GTPBP4: variants seen among roughly 807,000 people sequenced by gnomAD.
The protein encoded by GTPBP4 is GTP binding protein 4.
GTPBP4 carries 15 observed loss-of-function variants against 81.7 expected under a neutral mutation model. The ratio of observed to expected loss-of-function variants is 0.18; its 90% CI spans 0.12 to 0.28. The LOEUF (loss-of-function observed/expected upper bound fraction) is 0.28, where lower values mean the gene tolerates loss of function less well. Among genes scored for constraint, GTPBP4 ranks in the 10% least tolerant of loss-of-function variants. The pLI, the probability that GTPBP4 is intolerant of heterozygous loss-of-function variation, is 1.00. For missense variants in GTPBP4, 847 were observed against 793.8 expected, an observed-to-expected ratio of 1.07 and a Z score of -0.81; for synonymous variants, 272 against 274.6, an observed-to-expected ratio of 0.99 and a Z score of 0.09.
chr10:1,009,135 C>A, intron 11 of GTPBP4, 100 bp downstream of exon 11: 1 of 833,432 alleles, frequency 1.2e-6, no homozygotes, highest in Non-Finnish European at 2.0e-6. Flanking sequence ...CCGCGGGTGC[C>A]CAGACACTGG....
chr10:1,012,468 T>C lies in GTPBP4; in HGVS notation c.1348T>C (p.Leu450=). The C allele has an allele frequency of 1.3e-6, 2 of 1,591,680 alleles. No individual in the cohort carries two copies. Among genetic ancestry groups the C allele is most frequent in the South Asian group, 2.3e-5 (2 of 86,806 alleles). ...CATTACAACTCCATTTTTAAAGAAA[T>C]TGGAAGAATTAGAAAAAGAAGAAGA... ...DYIDPAIMKK[L]EELEKEEELR... is the part of the protein sequence containing the mutation. The change falls in exon 14 of 17, where the codon TTG becomes CTG. Residue 450 remains leucine (L), a synonymous_variant. Transcript: ENST00000360803.
intron 1 of GTPBP4, among the ~76,000 whole-genome samples, chr10:991,689 C>CTTTTTT (rs778451253): frequency 9.4e-5 from 7 of 74,818 alleles, no homozygotes; most frequent in Non-Finnish European, 1.7e-4. Flanking sequence ...TAAAATTTAT[C>CTTTTTT]TTTTTTTTTT....
Position 994,120 on chromosome 10 carries a change from G to A in GTPBP4, c.219+1461G>A, listed in dbSNP as rs1039597365. Among the ~76,000 whole-genome samples, 7 of 152,268 alleles carry A rather than the reference G, an allele frequency of 4.6e-5. 1 individual carries two copies. In the South Asian group the frequency reaches 6.2e-4, roughly 14 times the overall value. ...AATACAAAAATTCTTGCTAGAGGAC[G>A]GACACTTAGGTTGTGTCTAGCTAGG... On this transcript the variant is annotated intron_variant, in intron 2 of 16. Coordinates refer to ENST00000360803, the MANE Select transcript of GTPBP4 (RefSeq NM_012341.3).
chr10:996,768 T>C (rs927642813), intron 4 of GTPBP4: 2 of 168,124 alleles, frequency 1.2e-5, no homozygotes, highest in Non-Finnish European at 2.5e-5. Flanking sequence ...GTGGTCTTCA[T>C]GATGGCCGGG....
chr10:1,003,973 G>C (rs1379463757), intron 8 of GTPBP4, among the ~76,000 whole-genome samples: 1 of 152,034 alleles, frequency 6.6e-6, no homozygotes, highest in African/African-American at 2.4e-5. Flanking sequence ...CTCTGTGGTG[G>C]ATCTCTGATC....
intron 13 of GTPBP4, among the ~76,000 whole-genome samples, chr10:1,010,981 TGTG>T (rs1444692474): frequency 1.5e-4 from 22 of 144,984 alleles, no homozygotes; most frequent in Admixed American, 2.7e-4. Context: ...CCATCCTGAC[TGTG>T]CCTCCTGCAC....
Position 991,923 on chromosome 10 carries a change from C to T in GTPBP4, c.49-566C>T, listed in dbSNP as rs565596123. Among the ~76,000 whole-genome samples, 177 of 147,886 alleles carry T rather than the reference C, an allele frequency of 1.2e-3. 1 individual carries two copies. Among genetic ancestry groups the T allele is most frequent in the Admixed American group, 2.1e-3 (31 of 14,978 alleles). ...TGTTAGCCAGGATGGTCTCGATCTC[C>T]TGACCTCGTGATCCGCCCGCCTCAG... On this transcript the variant is annotated intron_variant, in intron 1 of 16. Coordinates refer to ENST00000360803, the MANE Select transcript of GTPBP4 (RefSeq NM_012341.3).
chr10:994,563 G>C (rs1350742167), intron 2 of GTPBP4, among the ~76,000 whole-genome samples: 4 of 152,174 alleles, frequency 2.6e-5, no homozygotes, highest in African/African-American at 9.7e-5. Flanking sequence ...AAGCCACAGT[G>C]CCTGGCCAAG....
chr10:989,797 G>A (rs1589020744), intron 1 of GTPBP4, among the ~76,000 whole-genome samples: 1 of 152,158 alleles, frequency 6.6e-6, no homozygotes, highest in East Asian at 1.9e-4. Context: ...TTGGAGCGCA[G>A]TGGTGTGATC....
At chr10:1,007,224 C>G (rs73590164) in intron 10 of GTPBP4, 96 bp downstream of exon 10, 8 of 697,614 alleles carry the variant, frequency 1.1e-5, no homozygotes, top group Admixed American at 4.4e-5. Flanking sequence ...GCTTCACACA[C>G]TCGCAGGTGG....
At chr10:1,001,602 C>T (rs908139448) in intron 8 of GTPBP4, among the ~76,000 whole-genome samples, 1 of 151,926 alleles carries the variant, frequency 6.6e-6, no homozygotes, top group Non-Finnish European at 1.5e-5. Flanking sequence ...GCAATGTCAG[C>T]ATCACCTTCT....
intron 5 of GTPBP4, 48 bp from the exon 6 acceptor site, chr10:998,955 T>G (rs753057229): frequency 3.0e-6 from 3 of 991,032 alleles, no homozygotes; most frequent in African/African-American, 3.2e-5. Context: ...AGATCCCACG[T>G]GTACACAGAG....
chr10:1,008,275 C>T (rs532061029), intron 10 of GTPBP4: 110 of 393,700 alleles, frequency 2.8e-4, no homozygotes, highest in Middle Eastern at 8.4e-4. Context: ...TAGTCGGGCG[C>T]GCACCTATAA....
chr10:1,009,821 C>T (rs891865853), intron 12 of GTPBP4, among the ~76,000 whole-genome samples: 2 of 152,156 alleles, frequency 1.3e-5, no homozygotes, highest in Admixed American at 6.5e-5. Context: ...ATGGCAGAAC[C>T]CCGTCTCTAC....
rs900036818 is a variant in GTPBP4 at position 1,005,766 on chromosome 10, T to C, written c.913-52T>C. On this transcript the variant is annotated intron_variant, in intron 8 of 16. Transcript: ENST00000360803. ...TTGCAGAACTGTACAGTTTGTTCCA[T>C]AGGGAACTGGAAATGAATAATACAT... The C allele has an allele frequency of 4.0e-6, 4 of 1,006,244 alleles. No individual in the cohort carries two copies. In the African/African-American group the frequency reaches 6.3e-5, roughly 16 times the overall value. The allele number at this position is 1,006,244 out of a possible 1,614,324, so 62.3% of individuals were successfully genotyped here. A position where few individuals can be genotyped will look rare whatever the true frequency, so the allele number is the denominator to read the frequency against.
chr10:999,141 G>A (rs1436476686), intron 6 of GTPBP4, 46 bp downstream of exon 6: 3 of 1,095,804 alleles, frequency 2.7e-6, no homozygotes, highest in African/African-American at 1.6e-5. Context: ...ATTTTGAGTT[G>A]GAGTTTCACT....
At chr10:1,010,903 C>G (rs539590203) in intron 13 of GTPBP4, among the ~76,000 whole-genome samples, 1 of 150,326 alleles carries the variant, frequency 6.7e-6, no homozygotes, top group African/African-American at 2.4e-5. Context: ...GACTCTGCCC[C>G]CTACACCACC....
At position 1,014,276 on chromosome 10, in the gene GTPBP4, G is replaced by A; in HGVS notation, c.1572G>A (p.Met524Ile). ...KVQRTVLEKE[M>I]RSLGVDMDDK... The stretch of plus-strand genomic sequence containing the variant: ...AGAGGACAGTTTTGGAGAAGGAGAT[G>A]CGTAGTCTTGGTGTTGACATGGACG... The change falls in exon 15 of 17, where the codon ATG (methionine) becomes ATA (isoleucine). Residue 524 changes from methionine to isoleucine, a missense_variant. This residue lies in a region of GTPBP4 where 600 missense variants were observed against 557.1 expected (regional missense o/e 1.08). Coordinates refer to ENST00000360803, the MANE Select transcript of GTPBP4 (RefSeq NM_012341.3). 1 of 1,608,974 alleles carries A rather than the reference G, an allele frequency of 6.2e-7. No homozygotes were observed. Among genetic ancestry groups the A allele is most frequent in the Non-Finnish European group, 8.5e-7 (1 of 1,175,500 alleles).
rs1564472940 is a variant in GTPBP4 at position 1,017,223 on chromosome 10, G to A, written c.1901G>A (p.Arg634Lys). The part of the protein sequence containing the change: ...GKRKAGKKDR[R>K] ...AGGAAAGCTGGTAAAAAGGACAGGA[G>A]ATAGTATCCGTTTGGTTGGCGTGGC... The change falls in exon 17 of 17, where the codon AGA becomes AAA. Residue 634 changes from arginine to lysine, a missense_variant. Around this residue, in one of 3 missense-constraint regions of GTPBP4, gnomAD observed 600 missense variants for 557.1 expected, o/e 1.08. Transcript: ENST00000360803. 1 of 1,613,852 alleles carries A rather than the reference G, an allele frequency of 6.2e-7. No homozygotes were observed. The highest frequency in any genetic ancestry group is 8.5e-7 in the Non-Finnish European group (1 of 1,179,832).
Sources: allele counts gnomAD v4.1 joint callset (sites outside exome capture counted in the v4.1 genomes callset), GRCh38; gene constraint gnomAD v4.1.1; regional missense constraint gnomAD v4.1.1; transcripts MANE v1.5; gene names NCBI Gene and HGNC (gene_info 2026-07-23, HGNC 2026-07-21).